Variants in PPA2 observed in about 807,000 individuals in gnomAD.
PPA2 encodes the protein inorganic pyrophosphatase 2.
In PPA2, 48 loss-of-function variants were observed where a neutral mutation model predicts 49.5. The observed-to-expected ratio is 0.97, with a 90% confidence interval of 0.77 to 1.23. The LOEUF is 1.23. Among genes scored for constraint, PPA2 ranks in the 50% most tolerant of loss-of-function variants. PPA2 has a pLI of 0.00. For synonymous variants in PPA2, 131 were observed against 139.9 expected (o/e 0.94, Z 0.45); for missense variants, 429 against 410.1 (o/e 1.05, Z -0.40).
intron 7 of PPA2, among the ~76,000 whole-genome samples, chr4:105,400,564 T>G (rs1224916897): frequency 1.3e-5 from 2 of 152,118 alleles, no homozygotes; most frequent in Non-Finnish European, 2.9e-5. Context: ...GTCCAGGAGG[T>G]GGAGGCTGTA....
chr4:105,451,684 G>A (rs1018030483), intron 3 of PPA2, among the ~76,000 whole-genome samples: 1 of 152,224 alleles, frequency 6.6e-6, no homozygotes, highest in African/African-American at 2.4e-5. Context: ...CCAAGCTGGT[G>A]ACAATCGTTT....
intron 1 of PPA2, among the ~76,000 whole-genome samples, chr4:105,464,815 C>A (rs1009322294): frequency 6.6e-6 from 1 of 152,160 alleles, no homozygotes; most frequent in African/African-American, 2.4e-5. Flanking sequence ...GTCCAATAAA[C>A]CTCTTTCTTT....
At chr4:105,400,277 T>A (rs1204604235) in intron 7 of PPA2, among the ~76,000 whole-genome samples, 2 of 150,428 alleles carry the variant, frequency 1.3e-5, no homozygotes, top group Admixed American at 6.6e-5. Context: ...GGTTTTCTTA[T>A]TCAGAGGGGA....
chr4:105,371,498 A>T (rs1026615457), intron 10 of PPA2, among the ~76,000 whole-genome samples: 1 of 152,150 alleles, frequency 6.6e-6, no homozygotes, highest in African/African-American at 2.4e-5. Flanking sequence ...TGTGACCACC[A>T]TCCAAGTAGA....
At chr4:105,429,785 G>A (rs1261841468) in intron 6 of PPA2, among the ~76,000 whole-genome samples, 5 of 152,140 alleles carry the variant, frequency 3.3e-5, no homozygotes, top group Admixed American at 2.6e-4. Context: ...TTGCTTCATA[G>A]TACCTTTTTA....
chr4:105,458,592 C>T (rs890271383), intron 1 of PPA2, among the ~76,000 whole-genome samples: 2 of 151,812 alleles, frequency 1.3e-5, no homozygotes, highest in Non-Finnish European at 2.9e-5. Flanking sequence ...GAGGCTGAGG[C>T]GGGAGGATCA....
intron 9 of PPA2, among the ~76,000 whole-genome samples, chr4:105,389,933 A>G (rs1276346403): frequency 6.6e-6 from 1 of 152,196 alleles, no homozygotes; most frequent in East Asian, 1.9e-4. Flanking sequence ...TGAGGCTATC[A>G]ATACATAAAA....
chr4:105,431,853 T>C (rs1270620753), intron 6 of PPA2, among the ~76,000 whole-genome samples: 1 of 152,184 alleles, frequency 6.6e-6, no homozygotes, highest in East Asian at 1.9e-4. Flanking sequence ...TGTGAGACCA[T>C]TTACATGAAA....
intron 4 of PPA2, among the ~76,000 whole-genome samples, chr4:105,447,802 C>T (rs1299267008): frequency 1.3e-5 from 2 of 149,764 alleles, no homozygotes; most frequent in Non-Finnish European, 3.0e-5. Context: ...GGTGTGATCT[C>T]AGCTCACTGC....
intron 1 of PPA2, among the ~76,000 whole-genome samples, chr4:105,460,546 C>T (rs1723041926): frequency 6.6e-6 from 1 of 152,048 alleles, no homozygotes; most frequent in Non-Finnish European, 1.5e-5. Context: ...CTCTTCAAGT[C>T]ACTAAAGTAA....
chr4:105,372,806 C>A (rs1430308356), intron 10 of PPA2, among the ~76,000 whole-genome samples: 1 of 152,184 alleles, frequency 6.6e-6, no homozygotes, highest in African/African-American at 2.4e-5. Context: ...TAATAAATCT[C>A]TTTCTGTATA....
intron 7 of PPA2, chr4:105,399,559 A>G (rs977205403): frequency 6.4e-6 from 1 of 155,976 alleles, no homozygotes; most frequent in African/African-American, 2.4e-5. Flanking sequence ...GTAATGTCAT[A>G]GAAGAGGGAG....
intron 1 of PPA2, among the ~76,000 whole-genome samples, chr4:105,466,420 C>T (rs767339514): frequency 4.6e-5 from 7 of 151,672 alleles, no homozygotes; most frequent in Admixed American, 1.3e-4. Flanking sequence ...TATTCTATCA[C>T]ATATCATAAG....
chr4:105,397,729 T>C (rs1734205085), intron 8 of PPA2, among the ~76,000 whole-genome samples: 1 of 152,102 alleles, frequency 6.6e-6, no homozygotes, highest in African/African-American at 2.4e-5. Context: ...AAGAACTGAT[T>C]GTTAAAAAGA....
At chr4:105,418,364 C>T (rs941483491) in intron 7 of PPA2, among the ~76,000 whole-genome samples, 2 of 152,202 alleles carry the variant, frequency 1.3e-5, no homozygotes, top group African/African-American at 4.8e-5. Flanking sequence ...ATTACAGAAG[C>T]ACTGGAAGTG....
chr4:105,371,861 G>A (rs1437320949), intron 10 of PPA2, among the ~76,000 whole-genome samples: 1 of 152,124 alleles, frequency 6.6e-6, no homozygotes, highest in Non-Finnish European at 1.5e-5. Context: ...TTAGAGACAT[G>A]TGTCTGGATG....
At chr4:105,436,786 G>A (rs536751481) in intron 6 of PPA2, among the ~76,000 whole-genome samples, 1 of 152,180 alleles carries the variant, frequency 6.6e-6, no homozygotes, top group South Asian at 2.1e-4. Flanking sequence ...GAATGAAACT[G>A]GACCCCTATC....
At chr4:105,446,580 A>G in intron 4 of PPA2, 78 bp from the exon 5 acceptor site, 1 of 1,459,304 alleles carries the variant, frequency 6.9e-7, no homozygotes, top group Non-Finnish European at 9.2e-7. Context: ...ACTTTTAAAA[A>G]TCTGCTATTT....
intron 5 of PPA2, among the ~76,000 whole-genome samples, chr4:105,439,728 C>T (rs1724249884): frequency 6.6e-6 from 1 of 151,952 alleles, no homozygotes; most frequent in Non-Finnish European, 1.5e-5. Context: ...GGTACATGTG[C>T]ATAACGTGCA....
Sources: allele counts gnomAD v4.1 joint callset (sites outside exome capture counted in the v4.1 genomes callset), GRCh38; gene constraint gnomAD v4.1.1; transcripts MANE v1.5; gene names NCBI Gene and HGNC (gene_info 2026-07-23, HGNC 2026-07-21).